The following MFHAS1 variants were observed in gnomAD, a reference collection of about 807,000 sequenced individuals.
MFHAS1 encodes malignant fibrous histiocytoma-amplified sequence 1.
A neutral mutation model predicts 70.4 loss-of-function variants in MFHAS1; 50 were observed. That is an observed-to-expected ratio of 0.71 (90% confidence interval 0.57 to 0.90). The LOEUF (loss-of-function observed/expected upper bound fraction) is 0.90, where lower values mean the gene tolerates loss of function less well. MFHAS1 is among the 40% of genes least tolerant of loss of function. The pLI is 0.00. For synonymous variants in MFHAS1, 952 were observed against 620.0 expected, an observed-to-expected ratio of 1.54 and a Z score of -7.96; for missense variants, 1,795 against 1,347.6, an observed-to-expected ratio of 1.33 and a Z score of -5.20.
At chr8:8,827,450 C>A (rs1024182489) in intron 1 of MFHAS1, among the ~76,000 whole-genome samples, 2 of 152,218 alleles carry the variant, frequency 1.3e-5, no homozygotes, top group Non-Finnish European at 2.9e-5. Context: ...TTAGCCACAT[C>A]CAATTTCACA....
In MFHAS1 at chr8:8,891,207, G is replaced by A; in HGVS notation, c.1852C>T (p.Leu618=). Residue 618 remains leucine, a synonymous_variant, in exon 1 of 3, where the codon CTG becomes TTG. Coordinates refer to ENST00000276282, the MANE Select transcript of MFHAS1 (RefSeq NM_004225.3). This position sits in a 1 kb window ranked among gnomAD's most constrained non-coding sequence, Gnocchi z 5.4. ...AHFQYLLNHR[L]QILSPVLPVS... ...GGCAACACGGGGGAGAGGATCTGCA[G>A]CCGGTGGTTGAGCAGGTATTGAAAA... 1 of 1,612,826 alleles carries A rather than the reference G, an allele frequency of 6.2e-7. No individual in the cohort carries two copies.
chr8:8,798,363 T>C (rs1484464290), intron 1 of MFHAS1, among the ~76,000 whole-genome samples: 1 of 152,138 alleles, frequency 6.6e-6, no homozygotes, highest in African/African-American at 2.4e-5. Flanking sequence ...TCTTGGTTTG[T>C]CACCCAGGCT....
intron 1 of MFHAS1, among the ~76,000 whole-genome samples, chr8:8,823,016 A>G (rs1163456758): frequency 6.6e-6 from 1 of 152,100 alleles, no homozygotes; most frequent in Non-Finnish European, 1.5e-5. Flanking sequence ...CAGACAGAAG[A>G]CCGGGAAGGA....
chr8:8,805,926 G>A (rs1451671095), intron 1 of MFHAS1, among the ~76,000 whole-genome samples: 1 of 151,832 alleles, frequency 6.6e-6, no homozygotes, highest in Non-Finnish European at 1.5e-5. Flanking sequence ...TCTAACTCCT[G>A]TGACCTCAGG....
chr8:8,806,077 G>C (rs769835279), intron 1 of MFHAS1, among the ~76,000 whole-genome samples: 4 of 152,116 alleles, frequency 2.6e-5, no homozygotes, highest in African/African-American at 9.7e-5. Flanking sequence ...TGTTCCCTAC[G>C]TCTTCCTCAT....
rs1810158219 is a variant in MFHAS1 at position 8,893,072 on chromosome 8, G to A, written c.-14C>T. ...CATCCCAGCCATGGCGGGGCCCCGG[G>A]CCGACAGCCTCACGCGGACGCGGGA... On this transcript the variant is annotated 5_prime_UTR_variant, in exon 1 of 3. Transcript: ENST00000276282. The A allele has an allele frequency of 2.7e-6, 4 of 1,470,598 alleles. No homozygotes were observed. Among genetic ancestry groups the A allele is most frequent in the African/African-American group, 1.5e-5 (1 of 67,614 alleles). The allele number at this position is 1,470,598 out of a possible 1,614,324, so 91.1% of individuals were successfully genotyped here.
chr8:8,791,708 C>G (rs1805724678), intron 2 of MFHAS1, among the ~76,000 whole-genome samples: 1 of 152,152 alleles, frequency 6.6e-6, no homozygotes, highest in Non-Finnish European at 1.5e-5. Flanking sequence ...CCTACCTTGC[C>G]CACGGGAAGT....
At chr8:8,884,215 G>A (rs1809661891) in intron 1 of MFHAS1, among the ~76,000 whole-genome samples, 1 of 152,038 alleles carries the variant, frequency 6.6e-6, no homozygotes, top group African/African-American at 2.4e-5. Flanking sequence ...ATACTCCAAA[G>A]GCCTTTCTAG....
At chr8:8,885,099 T>C (rs955509050) in intron 1 of MFHAS1, among the ~76,000 whole-genome samples, 27 of 152,140 alleles carry the variant, frequency 1.8e-4, no homozygotes, top group African/African-American at 6.3e-4. Flanking sequence ...AGATATATCA[T>C]GACGCAACCA....
Position 8,785,099 on chromosome 8 carries a change from T to A in MFHAS1, c.*923A>T, listed in dbSNP as rs530946280. ...GTAAGGTACTTATTAAGCAGAGCAC[T>A]TTGTAAGATTCAGAACTGACTCCTG... On this transcript the variant is annotated 3_prime_UTR_variant, in exon 3 of 3. Coordinates refer to ENST00000276282, the MANE Select transcript of MFHAS1 (RefSeq NM_004225.3). The A allele has an allele frequency of 6.6e-6, 1 of 152,184 alleles. No individual in the cohort carries two copies. The highest frequency in any genetic ancestry group is 1.5e-5 in the Non-Finnish European group (1 of 68,038). The allele number at this position is 152,184 out of a possible 1,614,324, so 9.4% of individuals were successfully genotyped here. A position where few individuals can be genotyped will look rare whatever the true frequency, so the allele number is the denominator to read the frequency against.
At chr8:8,786,098 G>T in intron 2 of MFHAS1, 43 bp from the exon 3 acceptor site, 1 of 1,554,052 alleles carries the variant, frequency 6.4e-7, no homozygotes, top group Non-Finnish European at 8.9e-7. Flanking sequence ...TGACAAAAAC[G>T]TACTGGACAA....
chr8:8,823,924 C>G (rs1007820932), intron 1 of MFHAS1, among the ~76,000 whole-genome samples: 1 of 128,658 alleles, frequency 7.8e-6, no homozygotes, highest in Non-Finnish European at 1.6e-5. Context: ...AGGCCTGTTA[C>G]GCAGTTCTCT....
At chr8:8,832,058 GCGCGCACA>G (rs1448762528) in intron 1 of MFHAS1, among the ~76,000 whole-genome samples, 4 of 145,968 alleles carry the variant, frequency 2.7e-5, no homozygotes, top group African/African-American at 1.1e-4. Flanking sequence ...ACGCGCGCGC[GCGCGCACA>G]CACACACACA....
chr8:8,804,850 CT>C (rs1223160127), intron 1 of MFHAS1, among the ~76,000 whole-genome samples: 1 of 152,250 alleles, frequency 6.6e-6, no homozygotes, highest in Non-Finnish European at 1.5e-5. Flanking sequence ...GGTGCTCCAC[CT>C]GGAGCCCATG....
At chr8:8,866,180 G>T (rs1241782340) in intron 1 of MFHAS1, among the ~76,000 whole-genome samples, 2 of 152,076 alleles carry the variant, frequency 1.3e-5, no homozygotes, top group African/African-American at 4.8e-5. Context: ...TTTACCATTG[G>T]TTCAGTAAAA....
At chr8:8,841,595 C>G (rs1807828070) in intron 1 of MFHAS1, among the ~76,000 whole-genome samples, 1 of 152,184 alleles carries the variant, frequency 6.6e-6, no homozygotes, top group Non-Finnish European at 1.5e-5. Flanking sequence ...ATCACTCGGT[C>G]AGACAGTCGA....
intron 1 of MFHAS1, among the ~76,000 whole-genome samples, chr8:8,822,397 C>T (rs1223236511): frequency 6.6e-6 from 1 of 151,576 alleles, no homozygotes; most frequent in Non-Finnish European, 1.5e-5. Context: ...GAGATGGGGG[C>T]AGGGGATGGA....
At chr8:8,789,920 C>T (rs770955756) in intron 2 of MFHAS1, among the ~76,000 whole-genome samples, 8 of 152,074 alleles carry the variant, frequency 5.3e-5, no homozygotes, top group East Asian at 1.9e-4. Flanking sequence ...CCTGCCTACC[C>T]GGCCTTGCCC....
At chr8:8,821,328 A>G (rs1806947848) in intron 1 of MFHAS1, among the ~76,000 whole-genome samples, 1 of 152,186 alleles carries the variant, frequency 6.6e-6, no homozygotes, top group Non-Finnish European at 1.5e-5. Context: ...TACTAAGCCT[A>G]TTTCCACCCT....
Sources: allele counts gnomAD v4.1 joint callset (sites outside exome capture counted in the v4.1 genomes callset), GRCh38; gene constraint gnomAD v4.1.1; non-coding constraint Gnocchi (gnomAD v3.1); transcripts MANE v1.5; gene names NCBI Gene and HGNC (gene_info 2026-07-23, HGNC 2026-07-21).